The following MTCL2 variants were observed in gnomAD, a reference collection of about 807,000 sequenced individuals.
The protein encoded by MTCL2 is microtubule crosslinking factor 2, also known as microtubule cross-linking factor 2.
At chr20:36,859,983 AG>A in the MTCL2 span, 1 of 1,119,116 alleles carries the variant, frequency 8.9e-7, no homozygotes, top group Non-Finnish European at 1.1e-6. Flanking sequence ...CAACACCTCC[AG>A]TAATAACCCC....
chr20:36,817,393 C>A, the MTCL2 span: 1 of 1,569,968 alleles, frequency 6.4e-7, no homozygotes, highest in South Asian at 1.2e-5. Context: ...CCTACGGGGG[C>A]TGCTGGGAAT....
the MTCL2 span, chr20:36,794,167 G>A: frequency 1.9e-6 from 3 of 1,550,952 alleles, no homozygotes; most frequent in African/African-American, 1.4e-5. The surrounding 1 kb of genome is among the most constrained non-coding windows in gnomAD (Gnocchi z 5.4). Flanking sequence ...AGAAGTTGCA[G>A]AGCCACCGAC....
At chr20:36,787,134 T>C in the MTCL2 span, among the ~76,000 whole-genome samples, 1 of 152,102 alleles carries the variant, frequency 6.6e-6, no homozygotes, top group African/African-American at 2.4e-5. Flanking sequence ...CCCAAAGGCA[T>C]GAGCCACCAT....
chr20:36,817,846 G>C, the MTCL2 span, among the ~76,000 whole-genome samples: 1 of 152,252 alleles, frequency 6.6e-6, no homozygotes, highest in Non-Finnish European at 1.5e-5. Flanking sequence ...GGTAGGTGTA[G>C]AGAACACAGC....
chr20:36,792,849 T>C, the MTCL2 span, among the ~76,000 whole-genome samples: 31 of 146,522 alleles, frequency 2.1e-4, no homozygotes, highest in Non-Finnish European at 4.0e-4. Context: ...GATAGATAGA[T>C]AGATAGATAG....
the MTCL2 span, among the ~76,000 whole-genome samples, chr20:36,787,220 T>C: frequency 6.6e-6 from 1 of 151,976 alleles, no homozygotes; most frequent in East Asian, 1.9e-4. Context: ...ATATACCCAA[T>C]TCGCTTTTTT....
chr20:36,810,125 GA>G, the MTCL2 span: 2 of 1,581,872 alleles, frequency 1.3e-6, no homozygotes, highest in East Asian at 2.3e-5. Flanking sequence ...ACAGACAGGG[GA>G]CACAGATAAT....
At chr20:36,829,350 G>C in the MTCL2 span, 1 of 845,756 alleles carries the variant, frequency 1.2e-6, no homozygotes, top group Non-Finnish European at 1.8e-6. Context: ...CCACGCTGCA[G>C]ATGAGCAAAC....
the MTCL2 span, chr20:36,839,323 C>T: frequency 6.8e-6 from 11 of 1,612,708 alleles, no homozygotes; most frequent in South Asian, 3.3e-5. The surrounding 1 kb of genome is among the most constrained non-coding windows in gnomAD (Gnocchi z 5.1). Flanking sequence ...CTGCAGGATG[C>T]GGCAGGTCTT....
chr20:36,863,214 C>A, the MTCL2 span: 3 of 1,215,414 alleles, frequency 2.5e-6, no homozygotes, highest in African/African-American at 4.8e-5. The surrounding 1 kb of genome is among the most constrained non-coding windows in gnomAD (Gnocchi z 6.2). Context: ...CAGCGACCAG[C>A]CGGCCACGTC....
At chr20:36,794,940 TTTC>T in the MTCL2 span, among the ~76,000 whole-genome samples, 1 of 151,654 alleles carries the variant, frequency 6.6e-6, no homozygotes, top group Non-Finnish European at 1.5e-5. This position sits in a 1 kb window ranked among gnomAD's most constrained non-coding sequence, Gnocchi z 5.4. Context: ...GGCTTTTTTT[TTTC>T]TTTTTTTTTT....
At chr20:36,794,909 C>T in the MTCL2 span, among the ~76,000 whole-genome samples, 8 of 151,864 alleles carry the variant, frequency 5.3e-5, no homozygotes, top group Non-Finnish European at 1.2e-4. The surrounding 1 kb of genome is among the most constrained non-coding windows in gnomAD (Gnocchi z 5.4). Flanking sequence ...GCTGGGACTA[C>T]AGGTGTGCAC....
chr20:36,848,659 G>T, the MTCL2 span, among the ~76,000 whole-genome samples: 1 of 152,328 alleles, frequency 6.6e-6, no homozygotes, highest in East Asian at 1.9e-4. Context: ...AAACAGGCAG[G>T]GGGAGGGGGT....
the MTCL2 span, among the ~76,000 whole-genome samples, chr20:36,833,141 C>T: frequency 6.6e-6 from 1 of 152,242 alleles, no homozygotes; most frequent in Admixed American, 6.5e-5. Flanking sequence ...AGTGGGTCAA[C>T]TCTAAAGTCT....
the MTCL2 span, among the ~76,000 whole-genome samples, chr20:36,833,770 G>C: frequency 3.0e-4 from 46 of 152,160 alleles, no homozygotes; most frequent in African/African-American, 1.0e-3. Flanking sequence ...AGGATCCCTT[G>C]AGAGCCCAGG....
At chr20:36,856,977 T>C in the MTCL2 span, among the ~76,000 whole-genome samples, 5 of 152,362 alleles carry the variant, frequency 3.3e-5, no homozygotes, top group Middle Eastern at 3.4e-3. Flanking sequence ...CCTGCTGATG[T>C]GCATGTGGGA....
chr20:36,806,527 AT>A, the MTCL2 span, among the ~76,000 whole-genome samples: 6 of 149,406 alleles, frequency 4.0e-5, no homozygotes, highest in Admixed American at 6.7e-5. Context: ...GTGTCTCTTT[AT>A]TTTTTTTTTG....
the MTCL2 span, chr20:36,794,713 G>A: frequency 7.4e-7 from 1 of 1,353,004 alleles, no homozygotes; most frequent in East Asian, 2.3e-5. This position sits in a 1 kb window ranked among gnomAD's most constrained non-coding sequence, Gnocchi z 5.4. Flanking sequence ...GGACCGTCTT[G>A]TTCACCTCTT....
At chr20:36,862,985 G>A in the MTCL2 span, 2 of 1,409,670 alleles carry the variant, frequency 1.4e-6, no homozygotes, top group African/African-American at 3.0e-5. Context: ...ACACCTCCGA[G>A]CTGCTATCCG....
Sources: allele counts gnomAD v4.1 joint callset (sites outside exome capture counted in the v4.1 genomes callset), GRCh38; gene constraint gnomAD v4.1.1; non-coding constraint Gnocchi (gnomAD v3.1); transcripts MANE v1.5; gene names NCBI Gene and HGNC (gene_info 2026-07-23, HGNC 2026-07-21).